DRC7: variants seen among roughly 807,000 people sequenced by gnomAD.
DRC7 encodes the protein coiled-coil domain containing 135.
DRC7 carries 80 observed loss-of-function variants against 104.4 expected under a neutral mutation model. The observed-to-expected ratio is 0.77, with a 90% CI of 0.64 to 0.92. DRC7 has a LOEUF of 0.92. Among genes scored for constraint, DRC7 ranks in the 40% least tolerant of loss-of-function variants. The pLI is 0.00. For missense variants in DRC7, 1,034 were observed against 1,141.1 expected (o/e 0.91, Z 1.35); for synonymous variants, 405 against 447.3 (o/e 0.91, Z 1.19).
chr16:57,720,826 T>C (rs2048894895), intron 9 of DRC7, among the ~76,000 whole-genome samples: 1 of 152,238 alleles, frequency 6.6e-6, no homozygotes, highest in South Asian at 2.1e-4. Flanking sequence ...TATCCAAGTT[T>C]CTGTGATTAT....
chr16:57,704,107 T>C (rs1426999465), intron 6 of DRC7, among the ~76,000 whole-genome samples: 3 of 152,112 alleles, frequency 2.0e-5, no homozygotes, highest in Non-Finnish European at 2.9e-5. Context: ...TCCGCTTTCA[T>C]GTCCATTGTG....
chr16:57,701,908 G>A (rs1282262430), intron 5 of DRC7, 28 bp from the exon 6 acceptor site: 1 of 1,602,322 alleles, frequency 6.2e-7, no homozygotes, highest in Non-Finnish European at 8.5e-7. Context: ...CGGGGCCCCA[G>A]CTGTGCTGAC....
At chr16:57,696,879 A>C (rs2148726468) in intron 2 of DRC7, among the ~76,000 whole-genome samples, 1 of 152,184 alleles carries the variant, frequency 6.6e-6, no homozygotes, top group East Asian at 1.9e-4. Context: ...AGATCATATC[A>C]CCTTACCGTT....
intron 9 of DRC7, among the ~76,000 whole-genome samples, chr16:57,719,056 C>A (rs983263511): frequency 1.3e-5 from 2 of 151,466 alleles, no homozygotes; most frequent in Admixed American, 6.6e-5. Flanking sequence ...GCTCTGCAAC[C>A]CCCTGGGAGT....
intron 4 of DRC7, 58 bp from the exon 5 acceptor site, chr16:57,700,087 C>T: frequency 6.3e-7 from 1 of 1,578,726 alleles, no homozygotes; most frequent in Non-Finnish European, 8.7e-7. Context: ...AGGCCCCAAG[C>T]TTGATCTCAC....
At position 57,706,452 on chromosome 16, in the gene DRC7, C is replaced by CTCCTCCCATCCA. The variant is rs377616145; in HGVS notation, c.859-1004_859-993dup. Among the ~76,000 whole-genome samples the CTCCTCCCATCCA allele has an allele frequency of 7.2e-3, 845 of 116,734 alleles. 14 individuals carry two copies. The highest frequency in any genetic ancestry group is 0.027 in the African/African-American group (790 of 29,626). 76.6% of individuals were successfully genotyped at this position (116,734 alleles called of 152,430 possible). A position where few individuals can be genotyped will look rare whatever the true frequency, so the allele number is the denominator to read the frequency against. ...CTCCCATCCATCCATCCTCCCATTTCTCCTCCCATCCATCCATCCTCCCAT... is the reference window on the plus strand; with the variant it reads ...CTCCCATCCATCCATCCTCCCATTTCTCCTCCCATCCATCCTCCCATCCATCCATCCTCCCAT... On this transcript the variant is annotated intron_variant, in intron 7 of 18. Transcript: ENST00000360716.
intron 2 of DRC7, among the ~76,000 whole-genome samples, chr16:57,697,670 G>A (rs1175782675): frequency 6.6e-6 from 1 of 152,204 alleles, no homozygotes; most frequent in Non-Finnish European, 1.5e-5. Context: ...CTTCCAACCG[G>A]AGGCCTGCTT....
At chr16:57,706,811 C>G (rs1393321653) in intron 7 of DRC7, among the ~76,000 whole-genome samples, 5 of 139,976 alleles carry the variant, frequency 3.6e-5, no homozygotes, top group African/African-American at 1.3e-4. Flanking sequence ...CTCCCATCCA[C>G]CCATCCTCCC....
At position 57,731,467 on chromosome 16, in the gene DRC7, C is replaced by T. The variant is rs974773924; in HGVS notation, c.*209C>T. On this transcript the variant is annotated 3_prime_UTR_variant, in exon 19 of 19. Transcript: ENST00000360716. The stretch of plus-strand genomic sequence containing the variant: ...CTCTTAATTTGCCATTTGTGCCTTG[C>T]GCTTCACAAGCTCCAGCAGCAGCCT... The T allele has an allele frequency of 2.1e-5, 12 of 581,310 alleles. No homozygotes were observed. The highest frequency in any genetic ancestry group is 8.6e-5 in the East Asian group (3 of 34,740). 36.0% of individuals were successfully genotyped at this position (581,310 alleles called of 1,614,324 possible). A position where few individuals can be genotyped will look rare whatever the true frequency, so the allele number is the denominator to read the frequency against.
In DRC7 at chr16:57,697,922, A is replaced by T; in HGVS notation, c.-28A>T. The T allele has an allele frequency of 1.2e-6, 2 of 1,604,606 alleles. No individual in the cohort carries two copies. Among genetic ancestry groups the T allele is most frequent in the Non-Finnish European group, 1.7e-6 (2 of 1,175,366 alleles). On this transcript the variant is annotated 5_prime_UTR_variant, in exon 3 of 19. Coordinates refer to ENST00000360716, the MANE Select transcript of DRC7 (RefSeq NM_001289162.2). ...TTACCCTTCCCCACAGAGACATTCC[A>T]TCTCCAGACACCCAGAGACGCTCCA...
At chr16:57,716,060 C>T (rs147079528) in intron 8 of DRC7, among the ~76,000 whole-genome samples, 567 of 152,314 alleles carry the variant, frequency 3.7e-3, no homozygotes, top group South Asian at 9.5e-3. Context: ...GACTGCCTGG[C>T]GCAAACGTAC....
intron 7 of DRC7, among the ~76,000 whole-genome samples, chr16:57,706,712 C>T (rs1210818135): frequency 8.8e-6 from 1 of 113,718 alleles, no homozygotes; most frequent in Non-Finnish European, 2.0e-5. Context: ...AACCCATCCT[C>T]CCATCCGTCC....
In DRC7 at chr16:57,702,056, G is replaced by A. The variant is rs769961305; in HGVS notation, c.625G>A (p.Gly209Ser). ...GSGYDAYCVN[G>S]YGSLDLCHMD... ...TGGCTATGATGCTTACTGCGTCAAC[G>A]GCTACGGCTCGCTGGACCTGTGCCA... Residue 209 changes from glycine to serine, a missense_variant, in exon 6 of 19, where the codon GGC becomes AGC. Physicochemically the swap from Gly to Ser is moderately conservative, Grantham distance 56 (BLOSUM62 0). Coordinates refer to ENST00000360716, the MANE Select transcript of DRC7 (RefSeq NM_001289162.2). 24 of 1,614,050 alleles carry A rather than the reference G, an allele frequency of 1.5e-5. No individual in the cohort carries two copies. The highest frequency in any genetic ancestry group is 2.2e-5 in the East Asian group (1 of 44,900).
Position 57,724,635 on chromosome 16 carries a change from C to A in DRC7, c.1558C>A (p.Gln520Lys), listed in dbSNP as rs115266078. The change falls in exon 13 of 19, where the codon CAA (glutamine) becomes AAA (lysine). Residue 520 changes from glutamine (Q) to lysine (K), a missense_variant. By Grantham distance (53) the Gln-to-Lys change is moderately conservative (BLOSUM62 1). Transcript: ENST00000360716. ...ALRVHSYKSM[Q>K]PEMDRVIEFY... ...CCCAGTGCACTCGTACAAGTCCATG[C>A]AACCTGAGATGGACCGTGTCATTGA... The A allele has an allele frequency of 6.0e-4, 969 of 1,612,618 alleles. 6 individuals are homozygous for A. In the African/African-American group the frequency reaches 0.012, roughly 19 times the overall value.
chr16:57,722,261 G>T (rs372400480), intron 10 of DRC7, among the ~76,000 whole-genome samples: 2 of 152,300 alleles, frequency 1.3e-5, no homozygotes, highest in South Asian at 2.1e-4. Flanking sequence ...GAACCCAGAG[G>T]GGGGCGCACC....
chr16:57,697,522 C>T (rs59415608), intron 2 of DRC7, among the ~76,000 whole-genome samples: 16,921 of 151,816 alleles, frequency 0.11, 1,037 homozygotes, highest in Non-Finnish European at 0.14. Flanking sequence ...GAGCCATGAT[C>T]GTGCTGCTGC....
chr16:57,722,772 GA>G lies in DRC7; in HGVS notation c.1340del (p.Glu447GlyfsTer13). The part of the protein sequence containing the change: ...KVIQYKRAKL[E>X]KWAPYLNSNG... ...GATTCAGTACAAGAGGGCAAAGCTG[GA>G]GAAGTGGGCCCCGTACCTCAATAGC... is the stretch of plus-strand genomic sequence containing the variant. On this transcript the variant is annotated frameshift_variant, in exon 11 of 19. Transcript: ENST00000360716. LOFTEE classifies it high-confidence loss of function. The G allele has an allele frequency of 1.2e-6, 2 of 1,613,922 alleles. No individual in the cohort carries two copies. The highest frequency in any genetic ancestry group is 8.5e-7 in the Non-Finnish European group (1 of 1,180,018).
At chr16:57,721,266 A>G (rs772943513) in intron 9 of DRC7, among the ~76,000 whole-genome samples, 5 of 152,150 alleles carry the variant, frequency 3.3e-5, no homozygotes, top group Non-Finnish European at 5.9e-5. Context: ...GCCTTTACAG[A>G]CATTATATCA....
intron 6 of DRC7, among the ~76,000 whole-genome samples, chr16:57,704,259 C>T (rs1444680330): frequency 6.6e-6 from 1 of 152,108 alleles, no homozygotes; most frequent in African/African-American, 2.4e-5. Context: ...ACTTGAAACG[C>T]TGGAGATTCA....
Sources: gnomAD v4.1 joint callset for allele counts (sites outside exome capture counted in the v4.1 genomes callset) on GRCh38, gnomAD v4.1.1 for gene constraint, MANE v1.5 for transcripts, NCBI Gene and HGNC (gene_info 2026-07-23, HGNC 2026-07-21) for gene names.